Variants in GBF1 observed in about 807,000 individuals in gnomAD.
GBF1 encodes golgi brefeldin A resistant guanine nucleotide exchange factor 1.
GBF1 carries 114 observed loss-of-function variants against 210.5 expected under a neutral mutation model. The ratio of observed to expected loss-of-function variants is 0.54; its 90% CI spans 0.47 to 0.63. The LOEUF is 0.63. Among genes scored for constraint, GBF1 ranks in the 30% least tolerant of loss-of-function variants. The probability of loss-of-function intolerance (pLI) is 0.00; values close to 1 mark genes in which losing one functional copy is unlikely to be tolerated. For synonymous variants in GBF1, 850 were observed against 889.2 expected, an observed-to-expected ratio of 0.96 and a Z score of 0.78; for missense variants, 1,851 against 2,357.7, an observed-to-expected ratio of 0.79 and a Z score of 4.45.
In GBF1 at chr10:102,289,922, C is replaced by T. The variant is rs370253512; in HGVS notation, c.163+29806C>T. ...CACAGGAGCTCAAGACCAGCCTGGGCAACATAGTGGGACCCCGTCTGTACA... is the reference window on the plus strand; with the variant it reads ...CACAGGAGCTCAAGACCAGCCTGGGTAACATAGTGGGACCCCGTCTGTACA... On this transcript the variant is annotated intron_variant, in intron 3 of 39. Coordinates refer to ENST00000369983, the MANE Select transcript of GBF1 (RefSeq NM_001377137.1). Among the ~76,000 whole-genome samples, 112 of 152,034 alleles carry T rather than the reference C, an allele frequency of 7.4e-4. 1 individual carries two copies. The South Asian group carries it at 0.023, about 31-fold the overall frequency.
intron 7 of GBF1, among the ~76,000 whole-genome samples, chr10:102,353,101 C>A (rs1370547540): frequency 6.6e-6 from 1 of 152,254 alleles, no homozygotes; most frequent in African/African-American, 2.4e-5. Flanking sequence ...TCTGGGATTT[C>A]TTTTTGCTCT....
the GBF1 span, among the ~76,000 whole-genome samples, chr10:102,233,832 A>C: frequency 6.6e-6 from 1 of 152,006 alleles, no homozygotes; most frequent in African/African-American, 2.4e-5. Flanking sequence ...TTCCTTTCCC[A>C]AACTTAGCCT....
At chr10:102,326,044 G>T (rs540898000) in intron 3 of GBF1, among the ~76,000 whole-genome samples, 2 of 152,172 alleles carry the variant, frequency 1.3e-5, no homozygotes, top group Non-Finnish European at 2.9e-5. Flanking sequence ...ACTGTGGCTC[G>T]GAAAAGGTCA....
chr10:102,340,988 G>A (rs988040818), intron 3 of GBF1, among the ~76,000 whole-genome samples: 4 of 152,150 alleles, frequency 2.6e-5, no homozygotes, highest in South Asian at 4.1e-4. Flanking sequence ...AAAAGTGTCT[G>A]TTCTATGAAA....
At chr10:102,357,495 A>G (rs2059360016) in intron 8 of GBF1, among the ~76,000 whole-genome samples, 1 of 152,096 alleles carries the variant, frequency 6.6e-6, no homozygotes, top group Non-Finnish European at 1.5e-5. Flanking sequence ...TCAAAAAAAA[A>G]AAAAAAAATA....
chr10:102,232,354 A>G, the GBF1 span, among the ~76,000 whole-genome samples: 1 of 152,172 alleles, frequency 6.6e-6, no homozygotes, highest in African/African-American at 2.4e-5. Context: ...TGCCAGGTAT[A>G]CAGTTGGGGT....
intron 3 of GBF1, among the ~76,000 whole-genome samples, chr10:102,337,298 T>C (rs57458551): frequency 2.0e-5 from 3 of 150,200 alleles, no homozygotes; most frequent in East Asian, 2.0e-4. Context: ...GAATGGTGCG[T>C]GGGGGAGCTT....
chr10:102,304,379 T>C (rs974533903), intron 3 of GBF1, among the ~76,000 whole-genome samples: 1 of 152,172 alleles, frequency 6.6e-6, no homozygotes, highest in Non-Finnish European at 1.5e-5. Flanking sequence ...CTAAGAAAGA[T>C]ATATATATTT....
Position 102,367,471 on chromosome 10 carries a change from T to C in GBF1, c.2560-7T>C, listed in dbSNP as rs1254593200. ...CAAGGGGAAAAAACTTACTGGCCTGTCTCTAGGAGTTTCGCAAAAATCTGA... is the reference window on the plus strand; with the variant it reads ...CAAGGGGAAAAAACTTACTGGCCTGCCTCTAGGAGTTTCGCAAAAATCTGA... On this transcript the variant is annotated splice_polypyrimidine_tract_variant and splice_region_variant and intron_variant, in intron 20 of 39. Coordinates refer to ENST00000369983, the MANE Select transcript of GBF1 (RefSeq NM_001377137.1). 3.1e-6 allele frequency: 5 copies of C among 1,588,728 alleles called. No individual in the cohort carries two copies. The African/African-American group carries it at 5.4e-5, about 17-fold the overall frequency.
At chr10:102,372,576 G>A (rs556375648) in intron 29 of GBF1, among the ~76,000 whole-genome samples, 3 of 152,262 alleles carry the variant, frequency 2.0e-5, no homozygotes, top group South Asian at 4.1e-4. Flanking sequence ...GGACAGACAC[G>A]TAGATCAATG....
intron 1 of GBF1, among the ~76,000 whole-genome samples, chr10:102,246,126 A>G (rs1041345395): frequency 6.6e-6 from 1 of 152,178 alleles, no homozygotes; most frequent in South Asian, 2.1e-4. Flanking sequence ...AAGCAAACCT[A>G]AGGAGCATTG....
chr10:102,259,852 T>C (rs1164320383), intron 2 of GBF1, among the ~76,000 whole-genome samples, 198 bp from the exon 3 acceptor site: 1 of 152,208 alleles, frequency 6.6e-6, no homozygotes, highest in Non-Finnish European at 1.5e-5. Flanking sequence ...CACTATTTTG[T>C]ATAAGCCCAG....
At chr10:102,338,237 CTTT>C (rs398046214) in intron 3 of GBF1, among the ~76,000 whole-genome samples, 7 of 114,152 alleles carry the variant, frequency 6.1e-5, no homozygotes, top group Non-Finnish European at 8.9e-5. Context: ...CAACCTTCTT[CTTT>C]TTTTTTTTTT....
At chr10:102,345,995 G>T (rs1271271127) in intron 4 of GBF1, among the ~76,000 whole-genome samples, 1 of 151,936 alleles carries the variant, frequency 6.6e-6, no homozygotes, top group Non-Finnish European at 1.5e-5. Context: ...CACAATTCAT[G>T]TGCTCATTCT....
chr10:102,237,352 T>C, the GBF1 span, among the ~76,000 whole-genome samples: 2 of 152,222 alleles, frequency 1.3e-5, no homozygotes, highest in Admixed American at 1.3e-4. Flanking sequence ...GCATTCTAAA[T>C]AATCAGCAGT....
intron 3 of GBF1, among the ~76,000 whole-genome samples, chr10:102,274,438 C>G (rs2074729471): frequency 6.6e-6 from 1 of 151,660 alleles, no homozygotes; most frequent in Non-Finnish European, 1.5e-5. Flanking sequence ...GTTGATTAGT[C>G]TATTAAAAAA....
chr10:102,380,453 A>G, intron 37 of GBF1, 53 bp from the exon 38 acceptor site: 1 of 1,591,906 alleles, frequency 6.3e-7, no homozygotes, highest in Admixed American at 1.7e-5. Context: ...TCCCTTTACC[A>G]TACTCCCCCC....
At chr10:102,337,369 C>CA (rs376089186) in intron 3 of GBF1, among the ~76,000 whole-genome samples, 48,615 of 92,248 alleles carry the variant, frequency 0.53, 11,240 homozygotes, top group South Asian at 0.7. Context: ...GACTCCGCCT[C>CA]AAAAAAAAAA....
chr10:102,313,930 T>C (rs1287436128), intron 3 of GBF1, among the ~76,000 whole-genome samples: 1 of 152,108 alleles, frequency 6.6e-6, no homozygotes, highest in Non-Finnish European at 1.5e-5. Flanking sequence ...TTTTCCCACC[T>C]CTACCCTTTA....
Sources: gnomAD v4.1 joint callset for allele counts (sites outside exome capture counted in the v4.1 genomes callset) on GRCh38, gnomAD v4.1.1 for gene constraint, MANE v1.5 for transcripts, NCBI Gene and HGNC (gene_info 2026-07-23, HGNC 2026-07-21) for gene names.